Variants in KLF13 observed in about 807,000 individuals in gnomAD.
KLF13 encodes the protein KLF transcription factor 13, also known as Krueppel-like factor 13.
Under a neutral mutation model 16.7 loss-of-function variants are expected in KLF13, and 8 were observed. The ratio of observed to expected loss-of-function variants is 0.48; its 90% CI spans 0.28 to 0.87. KLF13 has a LOEUF of 0.87. Ranked by LOEUF, KLF13 falls within the 40% of genes least tolerant of loss-of-function variation. The pLI is 0.10. For missense variants in KLF13, 447 were observed against 452.2 expected, an observed-to-expected ratio of 0.99 and a Z score of 0.10; for synonymous variants, 245 against 208.4, an observed-to-expected ratio of 1.18 and a Z score of -1.51.
Position 31,372,330 on chromosome 15 carries a change from C to T in KLF13, c.*31C>T. The T allele has an allele frequency of 7.0e-7, 1 of 1,436,134 alleles. No individual in the cohort carries two copies. The highest frequency in any genetic ancestry group is 1.4e-5 in the African/African-American group (1 of 69,378). The allele number at this position is 1,436,134 out of a possible 1,614,324, so 89.0% of individuals were successfully genotyped here. A position where few individuals can be genotyped will look rare whatever the true frequency, so the allele number is the denominator to read the frequency against. On this transcript the variant is annotated 3_prime_UTR_variant, in exon 2 of 2. Transcript: ENST00000307145. ...CCACAGCCATGAGCAGCCGCTCCCA[C>T]CCCCTCGTGAGTCCCTGGCCTTTCC...
rs546527375 is a variant in KLF13 at position 31,332,446 on chromosome 15, G to A, written c.577+4657G>A. Reference sequence around the variant, plus strand: ...TGGTTTTACAGAGATTGGAAAGTGTGTGGTGGGCGCTCAGCCCTGGAGCAG... The same window carrying A: ...TGGTTTTACAGAGATTGGAAAGTGTATGGTGGGCGCTCAGCCCTGGAGCAG... On this transcript the variant is annotated intron_variant, in intron 1 of 1. Transcript: ENST00000307145. Among the ~76,000 whole-genome samples the A allele has an allele frequency of 3.9e-5, 6 of 152,364 alleles. No individual in the cohort carries two copies. In the South Asian group the frequency reaches 1.2e-3, roughly 32 times the overall value.
At chr15:31,340,295 A>C (rs1437383354) in intron 1 of KLF13, among the ~76,000 whole-genome samples, 1 of 152,274 alleles carries the variant, frequency 6.6e-6, no homozygotes, top group African/African-American at 2.4e-5. Context: ...AAGGGAGCTC[A>C]GCACCAAAAA....
chr15:31,327,855 C>A, intron 1 of KLF13, 66 bp downstream of exon 1: 4 of 1,261,518 alleles, frequency 3.2e-6, no homozygotes, highest in Non-Finnish European at 4.0e-6. Context: ...CCGACCACGC[C>A]CCCGGAGTCC....
At chr15:31,356,234 T>C (rs1162789980) in intron 1 of KLF13, among the ~76,000 whole-genome samples, 1 of 152,152 alleles carries the variant, frequency 6.6e-6, no homozygotes, top group Non-Finnish European at 1.5e-5. Context: ...TGTGTCCCTG[T>C]GTACTCAGTG....
At chr15:31,363,163 C>G (rs1324586474) in intron 1 of KLF13, among the ~76,000 whole-genome samples, 6 of 152,238 alleles carry the variant, frequency 3.9e-5, no homozygotes, top group African/African-American at 1.4e-4. Context: ...TGCCTGCTTA[C>G]CTGCAGCCTC....
chr15:31,384,003 A>T (rs1217328701), intron 1 of KLF13, among the ~76,000 whole-genome samples: 1 of 152,238 alleles, frequency 6.6e-6, no homozygotes, highest in Non-Finnish European at 1.5e-5. Context: ...GAACCACATA[A>T]CCTCCATTAT....
intron 1 of KLF13, among the ~76,000 whole-genome samples, chr15:31,414,533 A>G (rs117463593): frequency 6.6e-6 from 1 of 152,202 alleles, no homozygotes; most frequent in Non-Finnish European, 1.5e-5. Context: ...ATGGAAAAAG[A>G]TATGTCATGA....
intron 1 of KLF13, among the ~76,000 whole-genome samples, chr15:31,413,495 G>C (rs2040221061): frequency 6.6e-6 from 1 of 152,054 alleles, no homozygotes; most frequent in African/African-American, 2.4e-5. Context: ...TCCCTTAAAA[G>C]AGAACCCCAA....
chr15:31,405,278 C>T (rs1054256040), downstream of KLF13, among the ~76,000 whole-genome samples: 1 of 152,164 alleles, frequency 6.6e-6, no homozygotes, highest in Non-Finnish European at 1.5e-5. Context: ...CGCACCACTG[C>T]ACTCCAGTCT....
chr15:31,356,931 C>CT (rs1220797354), intron 1 of KLF13, among the ~76,000 whole-genome samples: 2 of 152,216 alleles, frequency 1.3e-5, no homozygotes, highest in African/African-American at 4.8e-5. Flanking sequence ...ATTCTTGCCA[C>CT]TTTCTTCACG....
intron 1 of KLF13, among the ~76,000 whole-genome samples, chr15:31,340,611 G>A (rs971547271): frequency 6.6e-5 from 10 of 152,172 alleles, no homozygotes; most frequent in Non-Finnish European, 1.0e-4. Flanking sequence ...GAAAAAACTC[G>A]TGCTGGGCAT....
intron 2 of KLF13, among the ~76,000 whole-genome samples, chr15:31,396,882 A>G (rs1046332869): frequency 5.3e-5 from 8 of 152,158 alleles, no homozygotes; most frequent in African/African-American, 1.7e-4. Flanking sequence ...GTTTTAAACT[A>G]TAAACTATAA....
In KLF13 at chr15:31,337,251, C is replaced by T. The variant is rs546441273; in HGVS notation, c.577+9462C>T. Among the ~76,000 whole-genome samples, 3 of 152,322 alleles carry T rather than the reference C, an allele frequency of 2.0e-5. No individual in the cohort carries two copies. The South Asian group carries it at 6.2e-4, about 32-fold the overall frequency. ...GCTGAGGTCTTACTTCCTTCTTCCG[C>T]CCGCCTTACACGTGGAAGGTTTCTC... is the stretch of plus-strand genomic sequence containing the variant. On this transcript the variant is annotated intron_variant, in intron 1 of 1. Coordinates refer to ENST00000307145, the MANE Select transcript of KLF13 (RefSeq NM_015995.4).
At chr15:31,348,943 C>T (rs948290074) in intron 1 of KLF13, among the ~76,000 whole-genome samples, 13 of 152,076 alleles carry the variant, frequency 8.5e-5, no homozygotes, top group African/African-American at 2.9e-4. Context: ...TCTGGGGTCT[C>T]CTTTCTAAGG....
intron 1 of KLF13, among the ~76,000 whole-genome samples, chr15:31,386,079 T>A (rs938398776): frequency 6.6e-6 from 1 of 152,262 alleles, no homozygotes; most frequent in African/African-American, 2.4e-5. Context: ...ACATTCCCTT[T>A]AGTCAAAGCC....
chr15:31,329,989 C>G (rs541338706), intron 1 of KLF13, among the ~76,000 whole-genome samples: 105 of 152,266 alleles, frequency 6.9e-4, no homozygotes, highest in African/African-American at 2.5e-3. Flanking sequence ...GAGAGTTGAA[C>G]TGCCCAGAAA....
chr15:31,365,644 G>T lies in KLF13; in HGVS notation c.578-6366G>T, dbSNP rs116733536. Among the ~76,000 whole-genome samples the T allele has an allele frequency of 9.0e-3, 1,377 of 152,190 alleles. 27 individuals carry two copies. The highest frequency in any genetic ancestry group is 0.031 in the African/African-American group (1,304 of 41,494). Reference sequence around the variant, plus strand: ...GGGCCCACTCACCTGTGGGGGGTTGGGGGGGAGTTTGGCTAAGGCTGGATT... The same window carrying T: ...GGGCCCACTCACCTGTGGGGGGTTGTGGGGGAGTTTGGCTAAGGCTGGATT... On this transcript the variant is annotated intron_variant, in intron 1 of 1. Transcript: ENST00000307145.
intron 1 of KLF13, among the ~76,000 whole-genome samples, chr15:31,349,172 C>G (rs1228184221): frequency 1.3e-5 from 2 of 152,172 alleles, no homozygotes; most frequent in Non-Finnish European, 2.9e-5. Flanking sequence ...AGGCCTACTC[C>G]CCCAACTCAT....
chr15:31,383,279 A>C (rs1359843404), intron 1 of KLF13, among the ~76,000 whole-genome samples: 2 of 152,250 alleles, frequency 1.3e-5, no homozygotes, highest in East Asian at 3.8e-4. Context: ...GAACATGCTC[A>C]GAGCAGGGAG....
Sources: allele counts gnomAD v4.1 joint callset (sites outside exome capture counted in the v4.1 genomes callset), GRCh38; gene constraint gnomAD v4.1.1; transcripts MANE v1.5; gene names NCBI Gene and HGNC (gene_info 2026-07-23, HGNC 2026-07-21).